CDC27: variants seen among roughly 807,000 people sequenced by gnomAD.
CDC27 encodes cell division cycle 27, also known as cell division cycle protein 27 homolog.
A neutral mutation model predicts 109.7 loss-of-function variants in CDC27; 27 were observed. That is an observed-to-expected ratio of 0.25 (90% CI 0.18 to 0.34). The LOEUF (loss-of-function observed/expected upper bound fraction) is 0.34, where lower values mean the gene tolerates loss of function less well. Among genes scored for constraint, CDC27 ranks in the 10% least tolerant of loss-of-function variants. The probability of loss-of-function intolerance (pLI) is 1.00; values close to 1 mark genes in which losing one functional copy is unlikely to be tolerated. For synonymous variants in CDC27, 266 were observed against 333.9 expected (o/e 0.80, Z 2.22); for missense variants, 579 against 960.2 (o/e 0.60, Z 5.25).
intron 1 of CDC27, among the ~76,000 whole-genome samples, chr17:47,187,087 A>C (rs921072118): frequency 6.6e-6 from 1 of 152,088 alleles, no homozygotes; most frequent in Non-Finnish European, 1.5e-5. Flanking sequence ...ATACAACCAA[A>C]ATTTTCACCT....
chr17:47,167,056 T>C (rs1210486710), intron 4 of CDC27, among the ~76,000 whole-genome samples: 1 of 152,226 alleles, frequency 6.6e-6, no homozygotes, highest in Admixed American at 6.5e-5. Context: ...GGTTTCACCA[T>C]GTTGGCCTGG....
At chr17:47,188,795 T>G in intron 1 of CDC27, 1 of 1,174,288 alleles carries the variant, frequency 8.5e-7, no homozygotes, top group Non-Finnish European at 1.1e-6. Context: ...TCGATCATCT[T>G]TTAGGCAAGA....
chr17:47,171,953 T>C lies in CDC27; in HGVS notation c.215A>G (p.Lys72Arg). 6.3e-7 allele frequency: 1 copy of C among 1,595,756 alleles called. No homozygotes were observed. Among genetic ancestry groups the C allele is most frequent in the Non-Finnish European group, 8.5e-7 (1 of 1,173,136 alleles). The stretch of plus-strand genomic sequence containing the variant: ...AACACAACATTTTGCAAGCAGGTAT[T>C]TGCATTGCGGTGTAGTACAACTGTG... ...KGHSCTTPQC[K>R]YLLAKCCVDL... The change falls in exon 3 of 19, where the codon AAA becomes AGA. Residue 72 changes from lysine to arginine, a missense_variant. Physicochemically the swap from Lys to Arg is conservative, Grantham distance 26 (BLOSUM62 2). Around this residue, in one of 9 missense-constraint regions of CDC27, gnomAD observed 44 missense variants for 102.2 expected, o/e 0.43. Coordinates refer to ENST00000066544, the MANE Select transcript of CDC27 (RefSeq NM_001256.6).
chr17:47,136,119 G>GT (rs1386153780), intron 14 of CDC27, among the ~76,000 whole-genome samples: 3 of 152,050 alleles, frequency 2.0e-5, no homozygotes. Flanking sequence ...TCCAACCTGG[G>GT]TGACAGAGCG....
At chr17:47,126,507 ACAAT>A (rs900240180) in intron 16 of CDC27, among the ~76,000 whole-genome samples, 40 of 152,144 alleles carry the variant, frequency 2.6e-4, no homozygotes, top group Admixed American at 1.7e-3. Flanking sequence ...GCCTAATTAA[ACAAT>A]CAAAGAAAAC....
chr17:47,161,332 A>C (rs1021743561), intron 4 of CDC27, among the ~76,000 whole-genome samples: 2 of 152,176 alleles, frequency 1.3e-5, no homozygotes, highest in African/African-American at 4.8e-5. Context: ...ATCACCCACC[A>C]GGGATAGAGT....
At chr17:47,154,621 T>G in intron 8 of CDC27, 51 bp downstream of exon 8, 1 of 932,512 alleles carries the variant, frequency 1.1e-6, no homozygotes, top group Non-Finnish European at 1.7e-6. Context: ...AAGATTGAAA[T>G]AAACAAGTTG....
At chr17:47,147,472 T>A (rs1486554577) in intron 9 of CDC27, among the ~76,000 whole-genome samples, 3 of 149,174 alleles carry the variant, frequency 2.0e-5, no homozygotes, top group Non-Finnish European at 3.0e-5. Flanking sequence ...GAAAATATAA[T>A]CTACAATGAA....
rs1055075141 is a variant in CDC27 at position 47,117,971 on chromosome 17, T to C, written c.*2964A>G. Reference sequence around the variant, plus strand: ...TGGATTTTCCATATCCTTTAATGAATTGCAAATATATTAACAGAAAAGACT... The same window carrying C: ...TGGATTTTCCATATCCTTTAATGAACTGCAAATATATTAACAGAAAAGACT... On this transcript the variant is annotated 3_prime_UTR_variant, in exon 19 of 19. Coordinates refer to ENST00000066544, the MANE Select transcript of CDC27 (RefSeq NM_001256.6). The C allele has an allele frequency of 1.3e-5, 2 of 152,184 alleles. No homozygotes were observed. Among genetic ancestry groups the C allele is most frequent in the African/African-American group, 2.4e-5 (1 of 41,436 alleles). The allele number at this position is 152,184 out of a possible 1,614,324, so 9.4% of individuals were successfully genotyped here.
At chr17:47,174,250 A>G (rs1252132227) in intron 2 of CDC27, among the ~76,000 whole-genome samples, 2 of 152,242 alleles carry the variant, frequency 1.3e-5, no homozygotes, top group African/African-American at 4.8e-5. Flanking sequence ...AGCAGTGGTA[A>G]GCAGCCATAA....
chr17:47,174,551 T>C (rs2063921470), intron 2 of CDC27, among the ~76,000 whole-genome samples: 1 of 152,238 alleles, frequency 6.6e-6, no homozygotes, highest in Non-Finnish European at 1.5e-5. Flanking sequence ...GAAGTTAGCA[T>C]TGACTCCATT....
rs559481223 is a variant in CDC27 at position 47,118,950 on chromosome 17, C to T, written c.*1985G>A. The T allele has an allele frequency of 6.6e-6, 1 of 152,284 alleles. No individual in the cohort carries two copies. Among genetic ancestry groups the T allele is most frequent in the Admixed American group, 6.5e-5 (1 of 15,282 alleles). The allele number at this position is 152,284 out of a possible 1,614,324, so 9.4% of individuals were successfully genotyped here. On this transcript the variant is annotated 3_prime_UTR_variant, in exon 19 of 19. Coordinates refer to ENST00000066544, the MANE Select transcript of CDC27 (RefSeq NM_001256.6). Reference sequence around the variant, plus strand: ...AAAATCAGTACCAGAAAGACTCTCACCTCTGGCACATAAATTCCTGCTACA... The same window carrying T: ...AAAATCAGTACCAGAAAGACTCTCATCTCTGGCACATAAATTCCTGCTACA...
chr17:47,138,774 T>C lies in CDC27; in HGVS notation c.1669A>G (p.Lys557Glu), dbSNP rs1459044736. 1 of 1,611,536 alleles carries C rather than the reference T, an allele frequency of 6.2e-7. No individual in the cohort carries two copies. The highest frequency in any genetic ancestry group is 1.7e-5 in the Admixed American group (1 of 59,886). ...TTTTTATCCATGTCTGTTAAGTCTT[T>C]TGACAGAACTGAAAGAGCAACATCT... ...QKDVALSVLS[K>E]DLTDMDKNSP... The change falls in exon 13 of 19, where the codon AAA becomes GAA. Residue 557 changes from lysine to glutamate, a missense_variant. By Grantham distance (56) the Lys-to-Glu change is moderately conservative. Around this residue, in one of 9 missense-constraint regions of CDC27, gnomAD observed 227 missense variants for 363.6 expected, o/e 0.62. Coordinates refer to ENST00000066544, the MANE Select transcript of CDC27 (RefSeq NM_001256.6).
chr17:47,123,999 T>G (rs1395198553), intron 16 of CDC27, 39 bp from the exon 17 acceptor site: 8 of 1,439,546 alleles, frequency 5.6e-6, no homozygotes, highest in Non-Finnish European at 7.5e-6. Context: ...TAGCAAAAAT[T>G]TTTAAAGTTT....
chr17:47,134,952 C>T (rs1287365532), intron 14 of CDC27, among the ~76,000 whole-genome samples: 2 of 151,952 alleles, frequency 1.3e-5, no homozygotes. Context: ...CTAATTTTTA[C>T]TGAGTAGTTA....
intron 4 of CDC27, among the ~76,000 whole-genome samples, chr17:47,166,211 ATTTC>A (rs1804021185): frequency 2.6e-5 from 4 of 152,158 alleles, no homozygotes; most frequent in Admixed American, 2.6e-4. Flanking sequence ...GTAGAGGAGT[ATTTC>A]TTCTTGTTCT....
At chr17:47,132,760 T>TTAC (rs1308889513) in intron 14 of CDC27, among the ~76,000 whole-genome samples, 1 of 136,012 alleles carries the variant, frequency 7.4e-6, no homozygotes, top group East Asian at 2.7e-4. Flanking sequence ...ATTATTATTA[T>TTAC]TATTATTATT....
intron 4 of CDC27, chr17:47,159,062 A>T (rs983106664): frequency 4.5e-6 from 1 of 221,138 alleles, no homozygotes; most frequent in Admixed American, 5.8e-5. Context: ...TTAATTTTTA[A>T]TACAACATTC....
At chr17:47,169,790 T>A in intron 4 of CDC27, 127 bp downstream of exon 4, 1 of 614,510 alleles carries the variant, frequency 1.6e-6, no homozygotes. Flanking sequence ...AATAAGGTCA[T>A]AGAATCAGAC....
Sources: allele counts gnomAD v4.1 joint callset (sites outside exome capture counted in the v4.1 genomes callset), GRCh38; gene constraint gnomAD v4.1.1; regional missense constraint gnomAD v4.1.1; transcripts MANE v1.5; gene names NCBI Gene and HGNC (gene_info 2026-07-23, HGNC 2026-07-21).